EXOSC10: variants seen among roughly 807,000 people sequenced by gnomAD.
EXOSC10 encodes exosome component 10, also known as exosome complex component 10.
Under a neutral mutation model 126.6 loss-of-function variants are expected in EXOSC10, and 94 were observed. The ratio of observed to expected loss-of-function variants is 0.74; its 90% CI spans 0.63 to 0.88. The LOEUF (loss-of-function observed/expected upper bound fraction) is 0.88, where lower values mean the gene tolerates loss of function less well. Among genes scored for constraint, EXOSC10 ranks in the 40% least tolerant of loss-of-function variants. The pLI, the probability that EXOSC10 is intolerant of heterozygous loss-of-function variation, is 0.00. For synonymous variants in EXOSC10, 395 were observed against 400.8 expected (o/e 0.99, Z 0.17); for missense variants, 1,041 against 1,100.5 (o/e 0.95, Z 0.77).
Position 11,077,457 on chromosome 1 carries a change from C to T in EXOSC10, c.1801-14G>A. On this transcript the variant is annotated splice_polypyrimidine_tract_variant and intron_variant, in intron 15 of 24. Coordinates refer to ENST00000376936, the MANE Select transcript of EXOSC10 (RefSeq NM_001001998.3). ...ATTCTCCAATCTCTGCATTAAAAGACACCAGCAGGCTGGCATGTAAAACGT... is the reference window on the plus strand; with the variant it reads ...ATTCTCCAATCTCTGCATTAAAAGATACCAGCAGGCTGGCATGTAAAACGT... 6.2e-7 allele frequency: 1 copy of T among 1,611,648 alleles called. No homozygotes were observed. Among genetic ancestry groups the T allele is most frequent in the Non-Finnish European group, 8.5e-7 (1 of 1,177,720 alleles).
Position 11,098,126 on chromosome 1 carries a change from T to C in EXOSC10, c.142A>G (p.Lys48Glu), listed in dbSNP as rs1261490441. 45 of 1,611,568 alleles carry C rather than the reference T, an allele frequency of 2.8e-5. No individual in the cohort carries two copies. Among genetic ancestry groups the C allele is most frequent in the Non-Finnish European group, 3.7e-5 (44 of 1,179,366 alleles). ...FALGSVVAVT[K>E]ASGGLPQFGD... ...AACTGTGGTAGGCCCCCAGATGCCT[T>C]GGTGACTGCCACCACGGACCCAAGA... Residue 48 changes from lysine to glutamate, a missense_variant, in exon 2 of 25, where the codon AAG becomes GAG. Physicochemically the swap from Lys to Glu is moderately conservative, Grantham distance 56. This residue lies in a region of EXOSC10 where 645 missense variants were observed against 656.3 expected (regional missense o/e 0.98). Coordinates refer to ENST00000376936, the MANE Select transcript of EXOSC10 (RefSeq NM_001001998.3).
chr1:11,091,356 G>T, intron 4 of EXOSC10, 137 bp downstream of exon 4: 2 of 925,562 alleles, frequency 2.2e-6, no homozygotes, highest in Non-Finnish European at 3.3e-6. Flanking sequence ...ATTAGTTTGT[G>T]TATGTTTATG....
At chr1:11,082,562 G>GA in intron 10 of EXOSC10, 126 bp downstream of exon 10, 2 of 1,511,970 alleles carry the variant, frequency 1.3e-6, no homozygotes, top group Non-Finnish European at 1.8e-6. Context: ...GATGCCTGGC[G>GA]AAAAGCCTGA....
intron 24 of EXOSC10, 38 bp downstream of exon 24, chr1:11,067,970 A>G (rs1441934524): frequency 6.3e-7 from 1 of 1,594,248 alleles, no homozygotes; most frequent in South Asian, 1.1e-5. Flanking sequence ...GTGCTTTCTC[A>G]CTGGGCTCCC....
At position 11,072,351 on chromosome 1, in the gene EXOSC10, C is replaced by T. The variant is rs114816910; in HGVS notation, c.2158-180G>A. The stretch of plus-strand genomic sequence containing the variant: ...TCATGCTGGCTTTATTGCTAAAATC[C>T]CTATTAAGGACAAAGTGCTACTGTC... On this transcript the variant is annotated intron_variant, in intron 19 of 24. Coordinates refer to ENST00000376936, the MANE Select transcript of EXOSC10 (RefSeq NM_001001998.3). The T allele has an allele frequency of 2.9e-3, 1,586 of 555,102 alleles. 18 individuals are homozygous for T. Among genetic ancestry groups the T allele is most frequent in the African/African-American group, 0.027 (1,447 of 53,056 alleles). The allele number at this position is 555,102 out of a possible 1,614,324, so 34.4% of individuals were successfully genotyped here. A position where few individuals can be genotyped will look rare whatever the true frequency, so the allele number is the denominator to read the frequency against.
chr1:11,076,209 A>G (rs111318492), intron 17 of EXOSC10, among the ~76,000 whole-genome samples: 16,508 of 151,686 alleles, frequency 0.11, 1,586 homozygotes, highest in African/African-American at 0.23. Flanking sequence ...ATAGCTGGGC[A>G]CAGTGACTCA....
At chr1:11,094,227 C>T (rs1228939563) in intron 3 of EXOSC10, among the ~76,000 whole-genome samples, 1 of 151,994 alleles carries the variant, frequency 6.6e-6, no homozygotes, top group Non-Finnish European at 1.5e-5. Flanking sequence ...ATCCTCTTAC[C>T]TCGGCCTCCT....
At chr1:11,080,950 T>A (rs1250383231) in intron 11 of EXOSC10, 38 bp from the exon 12 acceptor site, 2 of 1,583,896 alleles carry the variant, frequency 1.3e-6, no homozygotes, top group African/African-American at 1.4e-5. Context: ...TCAACGGGAA[T>A]CAAAATTGTG....
chr1:11,068,145 AAC>A, intron 23 of EXOSC10, 61 bp from the exon 24 acceptor site: 1 of 1,371,148 alleles, frequency 7.3e-7, no homozygotes, highest in Non-Finnish European at 1.0e-6. Flanking sequence ...TACACAGAAA[AAC>A]ACACCTGAGC....
In EXOSC10 at chr1:11,080,944, C is replaced by T. The variant is rs544993622; in HGVS notation, c.1438-32G>A. 29 of 1,584,590 alleles carry T rather than the reference C, an allele frequency of 1.8e-5. No homozygotes were observed. In the East Asian group the frequency reaches 4.7e-4, roughly 26 times the overall value. ...AGTATTAGAGAACATTCAAAATCAACGGGAATCAAAATTGTGCCCTGGGCT... is the reference window on the plus strand; with the variant it reads ...AGTATTAGAGAACATTCAAAATCAATGGGAATCAAAATTGTGCCCTGGGCT... On this transcript the variant is annotated intron_variant, in intron 11 of 24. Coordinates refer to ENST00000376936, the MANE Select transcript of EXOSC10 (RefSeq NM_001001998.3).
chr1:11,092,205 A>G (rs190904111), intron 3 of EXOSC10, among the ~76,000 whole-genome samples: 2 of 152,210 alleles, frequency 1.3e-5, no homozygotes, highest in African/African-American at 4.8e-5. Context: ...TTTCAAGTAC[A>G]CTTACCACCT....
At chr1:11,080,718 C>T (rs752348366) in intron 12 of EXOSC10, 46 bp downstream of exon 12, 33 of 1,608,488 alleles carry the variant, frequency 2.1e-5, no homozygotes, top group Middle Eastern at 1.7e-4. Flanking sequence ...GTTATTAGAT[C>T]TCCTCAGTCT....
At chr1:11,091,375 C>A in intron 4 of EXOSC10, 118 bp downstream of exon 4, 3 of 1,013,896 alleles carry the variant, frequency 3.0e-6, no homozygotes, top group Non-Finnish European at 4.4e-6. Context: ...TGAGAACAAA[C>A]TAAAGGAGAC....
At chr1:11,082,540 T>C (rs1640227604) in intron 10 of EXOSC10, 148 bp downstream of exon 10, 3 of 1,484,238 alleles carry the variant, frequency 2.0e-6, no homozygotes, top group Admixed American at 5.0e-5. Flanking sequence ...CTACCACTTT[T>C]ACGCTGCTGA....
chr1:11,068,779 G>T, intron 22 of EXOSC10, 73 bp from the exon 23 acceptor site: 2 of 1,232,862 alleles, frequency 1.6e-6, no homozygotes, highest in Non-Finnish European at 2.4e-6. Context: ...TCACAGCGAG[G>T]CCGGGACCAT....
In EXOSC10 at chr1:11,082,870, A is replaced by G. The variant is rs752606903; in HGVS notation, c.1098T>C (p.His366=). The G allele has an allele frequency of 2.5e-6, 4 of 1,613,894 alleles. No homozygotes were observed. Among genetic ancestry groups the G allele is most frequent in the Non-Finnish European group, 3.4e-6 (4 of 1,179,858 alleles). ...LTDPAIVKVF[H]GADSDIEWLQ... is the part of the protein sequence containing the mutation. The stretch of plus-strand genomic sequence containing the variant: ...GCCATTCTATGTCTGAATCAGCACC[A>G]TGAAAGACCTGAAAACAGAACCAAA... The change falls in exon 10 of 25, where the codon CAT becomes CAC. Residue 366 remains histidine (H), a synonymous_variant. Coordinates refer to ENST00000376936, the MANE Select transcript of EXOSC10 (RefSeq NM_001001998.3).
intron 3 of EXOSC10, among the ~76,000 whole-genome samples, chr1:11,094,832 C>T (rs1640986219): frequency 6.6e-6 from 1 of 151,880 alleles, no homozygotes; most frequent in South Asian, 2.1e-4. Context: ...AACTCCTGAC[C>T]TCAGGTGATC....
intron 14 of EXOSC10, among the ~76,000 whole-genome samples, chr1:11,078,031 G>C (rs1376082756): frequency 6.6e-6 from 1 of 152,120 alleles, no homozygotes; most frequent in East Asian, 1.9e-4. Flanking sequence ...CCAGTACTTT[G>C]GGAGGCTGAG....
rs772375100 is a variant in EXOSC10 at position 11,087,462 on chromosome 1, G to A, written c.1075C>T (p.Pro359Ser). The A allele has an allele frequency of 3.7e-6, 6 of 1,613,956 alleles. No individual in the cohort carries two copies. Among genetic ancestry groups the A allele is most frequent in the Non-Finnish European group, 5.1e-6 (6 of 1,180,026 alleles). The change falls in exon 9 of 25, where the codon CCA (proline) becomes TCA (serine). Residue 359 changes from proline (P) to serine (S), a missense_variant. Pro to Ser is a moderately conservative substitution (Grantham distance 74). Around this residue, in one of 3 missense-constraint regions of EXOSC10, gnomAD observed 645 missense variants for 656.3 expected, o/e 0.98. Transcript: ENST00000376936. ...MYILNESLTD[P>S]AIVKVFHGAD... ...GGCTGGCTGACCTTAACGATGGCTG[G>A]GTCTGTGAGGCTCTCATTGAGAATG...
Sources: allele counts gnomAD v4.1 joint callset (sites outside exome capture counted in the v4.1 genomes callset), GRCh38; gene constraint gnomAD v4.1.1; regional missense constraint gnomAD v4.1.1; transcripts MANE v1.5; gene names NCBI Gene and HGNC (gene_info 2026-07-23, HGNC 2026-07-21).